The following ROBO2 variants were observed in gnomAD, a reference collection of about 807,000 sequenced individuals.
ROBO2 encodes roundabout homolog 2.
Under a neutral mutation model 160.8 loss-of-function variants are expected in ROBO2, and 53 were observed. The ratio of observed to expected loss-of-function variants is 0.33; its 90% CI spans 0.26 to 0.41. ROBO2 has a LOEUF of 0.41. ROBO2 is among the 10% of genes least tolerant of loss of function. ROBO2 has a pLI of 1.00. For synonymous variants in ROBO2, 664 were observed against 611.7 expected, an observed-to-expected ratio of 1.09 and a Z score of -1.26; for missense variants, 1,577 against 1,722.4, an observed-to-expected ratio of 0.92 and a Z score of 1.49.
At chr3:77,362,876 C>A (rs1192516845) in intron 2 of ROBO2, among the ~76,000 whole-genome samples, 1 of 152,076 alleles carries the variant, frequency 6.6e-6, no homozygotes, top group East Asian at 1.9e-4. Context: ...ATAAAACCAT[C>A]AGATCTTGTG....
At chr3:76,631,849 A>G (rs9865352) in intron 2 of ROBO2, among the ~76,000 whole-genome samples, 2,742 of 152,264 alleles carry the variant, frequency 0.018, 51 homozygotes, top group African/African-American at 0.048. Context: ...TGTACAGATG[A>G]TGAGAAATAG....
intron 2 of ROBO2, among the ~76,000 whole-genome samples, chr3:76,021,687 C>A (rs550479326): frequency 2.4e-4 from 36 of 151,766 alleles, no homozygotes; most frequent in Non-Finnish European, 4.9e-4. Flanking sequence ...TGTCTAAAAA[C>A]AATGCACATA....
chr3:76,889,180 TAGCCAGACTG>T (rs2074150216), intron 2 of ROBO2, among the ~76,000 whole-genome samples: 1 of 152,196 alleles, frequency 6.6e-6, no homozygotes, highest in Non-Finnish European at 1.5e-5. Context: ...ACCCTTCACC[TAGCCAGACTG>T]ATCACTGAGA....
At chr3:76,159,091 TG>T (rs1294686631) in intron 2 of ROBO2, among the ~76,000 whole-genome samples, 2 of 152,184 alleles carry the variant, frequency 1.3e-5, no homozygotes, top group African/African-American at 4.8e-5. Context: ...AATTTGAAAA[TG>T]TCCCTCCTAG....
intron 2 of ROBO2, among the ~76,000 whole-genome samples, chr3:77,319,714 C>G (rs1312374183): frequency 6.6e-6 from 1 of 152,118 alleles, no homozygotes; most frequent in Non-Finnish European, 1.5e-5. Context: ...TGAACTTATT[C>G]AAATGACACT....
At chr3:76,145,677 A>G (rs1195812400) in intron 2 of ROBO2, among the ~76,000 whole-genome samples, 1 of 152,014 alleles carries the variant, frequency 6.6e-6, no homozygotes, top group Non-Finnish European at 1.5e-5. Context: ...AACTCCTTAG[A>G]AAAAGGACTC....
chr3:77,328,353 A>T (rs1229881413), intron 2 of ROBO2, among the ~76,000 whole-genome samples: 1 of 152,184 alleles, frequency 6.6e-6, no homozygotes, highest in Non-Finnish European at 1.5e-5. Context: ...ATATTTTAAG[A>T]CACAGAACAC....
At chr3:76,745,926 G>A (rs1168451419) in intron 2 of ROBO2, among the ~76,000 whole-genome samples, 1 of 149,934 alleles carries the variant, frequency 6.7e-6, no homozygotes, top group African/African-American at 2.5e-5. Flanking sequence ...CTGGTGTGCT[G>A]CACCCATTAA....
At chr3:76,603,609 A>G (rs1265674040) in intron 2 of ROBO2, among the ~76,000 whole-genome samples, 2 of 151,560 alleles carry the variant, frequency 1.3e-5, no homozygotes, top group African/African-American at 4.9e-5. Context: ...AAACCACTAG[A>G]AGTGTGTTTA....
chr3:76,450,505 G>A (rs1455732053), intron 2 of ROBO2, among the ~76,000 whole-genome samples: 1 of 152,050 alleles, frequency 6.6e-6, no homozygotes, highest in African/African-American at 2.4e-5. Context: ...GTAAAAATGT[G>A]GAGTCCTGCT....
intron 2 of ROBO2, among the ~76,000 whole-genome samples, chr3:76,654,289 A>G (rs2091390833): frequency 6.6e-6 from 1 of 152,172 alleles, no homozygotes; most frequent in Non-Finnish European, 1.5e-5. Flanking sequence ...TTTTCCAGCA[A>G]AAAAGTTATT....
At chr3:77,632,677 C>T in intron 23 of ROBO2, 1 of 1,520,708 alleles carries the variant, frequency 6.6e-7, no homozygotes, top group Non-Finnish European at 8.8e-7. Flanking sequence ...TCCAAGTCAA[C>T]ACTCTTTGCA....
Position 76,432,522 on chromosome 3 carries a change from T to C in ROBO2, c.109+494920T>C, listed in dbSNP as rs73840989. Among the ~76,000 whole-genome samples the C allele has an allele frequency of 4.0e-3, 605 of 152,268 alleles. 6 individuals are homozygous for C. The highest frequency in any genetic ancestry group is 0.014 in the African/African-American group (569 of 41,568). ...TTATCTCTAGACTTCACTGTTTCGA[T>C]GATAGCTTATTCATATGGCTATGAG... On this transcript the variant is annotated intron_variant, in intron 2 of 26. Transcript: ENST00000487694.
intron 2 of ROBO2, among the ~76,000 whole-genome samples, chr3:76,697,171 A>G (rs1424956899): frequency 6.6e-6 from 1 of 152,196 alleles, no homozygotes; most frequent in African/African-American, 2.4e-5. Context: ...GTTCAAATTC[A>G]TAAGAGAGCA....
chr3:76,912,856 T>G (rs939516087), intron 2 of ROBO2, among the ~76,000 whole-genome samples: 1 of 152,140 alleles, frequency 6.6e-6, no homozygotes, highest in African/African-American at 2.4e-5. Context: ...GACGAATTAC[T>G]ACGTTCACTC....
At chr3:77,562,701 G>T in exon 10 of ROBO2, 1 of 1,612,806 alleles carries the variant, frequency 6.2e-7, no homozygotes, top group Non-Finnish European at 8.5e-7. Flanking sequence ...CAAGTGGAGA[G>T]ACTTCCTGGA....
chr3:76,145,927 A>G (rs2071869497), intron 2 of ROBO2, among the ~76,000 whole-genome samples: 1 of 152,052 alleles, frequency 6.6e-6, no homozygotes, highest in African/African-American at 2.4e-5. Context: ...GAATTTATGA[A>G]CAATAGTTTG....
Position 76,820,441 on chromosome 3 carries a change from A to C in ROBO2, c.110-277573A>C, listed in dbSNP as rs368296642. 4.6e-5 allele frequency among the ~76,000 whole-genome samples: 7 copies of C among 152,148 alleles called. No individual in the cohort carries two copies. In the East Asian group the frequency reaches 1.4e-3, roughly 29 times the overall value. The stretch of plus-strand genomic sequence containing the variant: ...TGTTCTCCTATAAATTGCATTAGGT[A>C]ATTTTAATATAACACTTAGTCTTAC... On this transcript the variant is annotated intron_variant, in intron 2 of 26. Coordinates refer to the ROBO2 transcript ENST00000487694.
chr3:76,452,593 G>C (rs1177490050), intron 2 of ROBO2, among the ~76,000 whole-genome samples: 1 of 152,036 alleles, frequency 6.6e-6, no homozygotes, highest in Non-Finnish European at 1.5e-5. Flanking sequence ...ATTTGGGCTG[G>C]TTCCAAGTCT....
Sources: gnomAD v4.1 joint callset for allele counts (sites outside exome capture counted in the v4.1 genomes callset) on GRCh38, gnomAD v4.1.1 for gene constraint, MANE v1.5 for transcripts, NCBI Gene and HGNC (gene_info 2026-07-23, HGNC 2026-07-21) for gene names.